UNC5B: variants seen among roughly 807,000 people sequenced by gnomAD.
UNC5B encodes unc-5 netrin receptor B, also known as netrin receptor UNC5B.
Under a neutral mutation model 103.7 loss-of-function variants are expected in UNC5B, and 56 were observed. The observed-to-expected ratio is 0.54, with a 90% CI of 0.44 to 0.67. The LOEUF (loss-of-function observed/expected upper bound fraction) is 0.67, where lower values mean the gene tolerates loss of function less well. Among genes scored for constraint, UNC5B ranks in the 30% least tolerant of loss-of-function variants. The pLI is 0.00. For missense variants in UNC5B, 1,194 were observed against 1,284.5 expected (o/e 0.93, Z 1.08); for synonymous variants, 577 against 542.0 (o/e 1.06, Z -0.90).
At chr10:71,260,952 C>T (rs1164461517) in intron 1 of UNC5B, among the ~76,000 whole-genome samples, 2 of 152,206 alleles carry the variant, frequency 1.3e-5, no homozygotes, top group Admixed American at 6.5e-5. Flanking sequence ...AAGACTGCTC[C>T]CCCGCAGCCC....
At chr10:71,222,172 G>A (rs1228411254) in intron 1 of UNC5B, among the ~76,000 whole-genome samples, 1 of 152,172 alleles carries the variant, frequency 6.6e-6, no homozygotes, top group Non-Finnish European at 1.5e-5. Flanking sequence ...TGGGTAAATG[G>A]AGAGTGTGGC....
chr10:71,269,352 C>CCT (rs1554865166), intron 1 of UNC5B, among the ~76,000 whole-genome samples: 2 of 145,450 alleles, frequency 1.4e-5, no homozygotes, highest in African/African-American at 5.0e-5. Context: ...GTCCCCCCCC[C>CCT]ACAACTTCTC....
At chr10:71,232,630 G>A (rs1237630044) in intron 1 of UNC5B, among the ~76,000 whole-genome samples, 1 of 152,256 alleles carries the variant, frequency 6.6e-6, no homozygotes, top group African/African-American at 2.4e-5. Flanking sequence ...GCCTTGCTTT[G>A]GGTCATTTAC....
intron 1 of UNC5B, among the ~76,000 whole-genome samples, chr10:71,236,363 T>C (rs980124820): frequency 1.3e-5 from 2 of 152,094 alleles, no homozygotes; most frequent in Non-Finnish European, 2.9e-5. Flanking sequence ...CCGCCCTGCC[T>C]CACCTAAAAC....
Position 71,293,401 on chromosome 10 carries a change from C to G in UNC5B, c.1773-4C>G. The G allele has an allele frequency of 5.6e-6, 9 of 1,611,030 alleles. No individual in the cohort carries two copies. Among genetic ancestry groups the G allele is most frequent in the Non-Finnish European group, 7.6e-6 (9 of 1,178,236 alleles). On this transcript the variant is annotated splice_polypyrimidine_tract_variant and splice_region_variant and intron_variant, in intron 11 of 16. Transcript: ENST00000335350. The stretch of plus-strand genomic sequence containing the variant: ...CCTCTCTCCTACCCTGTGTCCTCCT[C>G]CAGCCCGCTTTCAGAAGGGACCCAG...
intron 1 of UNC5B, chr10:71,217,277 A>G (rs549464024): frequency 6.5e-6 from 1 of 152,788 alleles, no homozygotes; most frequent in South Asian, 2.1e-4. Flanking sequence ...TACCGTAATT[A>G]GAATAATACA....
intron 1 of UNC5B, among the ~76,000 whole-genome samples, chr10:71,271,780 C>A (rs1189879158): frequency 6.6e-6 from 1 of 152,244 alleles, no homozygotes; most frequent in Non-Finnish European, 1.5e-5. Context: ...AGGATGCAGG[C>A]CCCTGCCCCA....
chr10:71,280,089 C>T (rs778500393), intron 2 of UNC5B, 44 bp downstream of exon 2: 9 of 1,597,746 alleles, frequency 5.6e-6, no homozygotes, highest in Admixed American at 1.7e-5. Context: ...ACACCCCAGG[C>T]CCAGAGGCAC....
chr10:71,293,855 C>G lies in UNC5B; in HGVS notation c.2097C>G (p.Val699=). The G allele has an allele frequency of 6.2e-7, 1 of 1,609,732 alleles. No individual in the cohort carries two copies. The highest frequency in any genetic ancestry group is 8.5e-7 in the Non-Finnish European group (1 of 1,179,710). The change falls in exon 13 of 17, where the codon GTC becomes GTG. Residue 699 remains valine (V), a synonymous_variant. Coordinates refer to ENST00000335350, the MANE Select transcript of UNC5B (RefSeq NM_170744.5). ...CAGTCAAGCGGCTCCAGCTGGCCGT[C>G]TTCGCCCCCGCCCTCTGCACCTCCC... is the stretch of plus-strand genomic sequence containing the variant. The part of the protein sequence containing the change: ...RSAVKRLQLA[V]FAPALCTSLE...
intron 1 of UNC5B, among the ~76,000 whole-genome samples, chr10:71,219,634 T>C (rs1021405261): frequency 1.3e-5 from 2 of 152,198 alleles, no homozygotes; most frequent in African/African-American, 2.4e-5. Context: ...ATCAATACTT[T>C]GCATCCTTCC....
At chr10:71,229,943 C>A (rs1227237822) in intron 1 of UNC5B, among the ~76,000 whole-genome samples, 2 of 152,168 alleles carry the variant, frequency 1.3e-5, no homozygotes, top group East Asian at 3.9e-4. Flanking sequence ...GAAACACCCT[C>A]TTATTGACTC....
At position 71,212,995 on chromosome 10, in the gene UNC5B, C is replaced by A; in HGVS notation, c.10C>A (p.Arg4=). Residue 4 remains arginine (R), a synonymous_variant, in exon 1 of 17, where the codon CGG becomes AGG. Transcript: ENST00000335350. ...ACCAGGCCGCGGGAGCATGGGGGCC[C>A]GGAGCGGAGCTCGGGGCGCGCTGCT... MGA[R]SGARGALLLA... is the part of the protein sequence containing the mutation. The A allele has an allele frequency of 7.1e-7, 1 of 1,398,928 alleles. No homozygotes were observed. Among genetic ancestry groups the A allele is most frequent in the Non-Finnish European group, 9.3e-7 (1 of 1,071,358 alleles). The allele number at this position is 1,398,928 out of a possible 1,614,324, so 86.7% of individuals were successfully genotyped here. A position where few individuals can be genotyped will look rare whatever the true frequency, so the allele number is the denominator to read the frequency against.
At chr10:71,243,034 G>A (rs1437245398) in intron 1 of UNC5B, among the ~76,000 whole-genome samples, 2 of 152,128 alleles carry the variant, frequency 1.3e-5, no homozygotes, top group Non-Finnish European at 2.9e-5. Context: ...GGAGTTCAAG[G>A]CCAGCCTGGC....
At chr10:71,268,073 T>C (rs1014654041) in intron 1 of UNC5B, among the ~76,000 whole-genome samples, 3 of 152,232 alleles carry the variant, frequency 2.0e-5, no homozygotes, top group Non-Finnish European at 4.4e-5. Context: ...AGGCCAGAGA[T>C]GGCTGCCTTC....
At chr10:71,216,245 G>A (rs1246290094) in intron 1 of UNC5B, among the ~76,000 whole-genome samples, 1 of 152,180 alleles carries the variant, frequency 6.6e-6, no homozygotes, top group African/African-American at 2.4e-5. Flanking sequence ...ACCATCATGG[G>A]TGTGGGCTTG....
At position 71,212,957 on chromosome 10, in the gene UNC5B, G is replaced by A; in HGVS notation, c.-29G>A. 1.5e-6 allele frequency: 2 copies of A among 1,318,838 alleles called. No individual in the cohort carries two copies. The highest frequency in any genetic ancestry group is 2.2e-5 in the South Asian group (1 of 45,440). 81.7% of individuals were successfully genotyped at this position (1,318,838 alleles called of 1,614,324 possible). A position where few individuals can be genotyped will look rare whatever the true frequency, so the allele number is the denominator to read the frequency against. On this transcript the variant is annotated 5_prime_UTR_variant, in exon 1 of 17. Coordinates refer to ENST00000335350, the MANE Select transcript of UNC5B (RefSeq NM_170744.5). Reference sequence around the variant, plus strand: ...TGGGGCCAGGGAGACAGCCCTGGGGGAGAGGCGCCCGAACCAGGCCGCGGG... The same window carrying A: ...TGGGGCCAGGGAGACAGCCCTGGGGAAGAGGCGCCCGAACCAGGCCGCGGG...
chr10:71,281,787 G>C (rs1468613544), intron 2 of UNC5B, among the ~76,000 whole-genome samples: 1 of 152,252 alleles, frequency 6.6e-6, no homozygotes, highest in Admixed American at 6.5e-5. Context: ...GAAGGTCCTG[G>C]TGAGGGTAGA....
intron 1 of UNC5B, among the ~76,000 whole-genome samples, chr10:71,252,525 T>C (rs573562315): frequency 6.6e-6 from 1 of 152,332 alleles, no homozygotes; most frequent in African/African-American, 2.4e-5. Context: ...AACCTGGGCT[T>C]GGAGAGATTG....
chr10:71,242,306 A>G (rs1420537891), intron 1 of UNC5B, among the ~76,000 whole-genome samples: 1 of 152,220 alleles, frequency 6.6e-6, no homozygotes. Context: ...TGAGGCCCAC[A>G]GTGCCCAAAA....
Sources: gnomAD v4.1 joint callset for allele counts (sites outside exome capture counted in the v4.1 genomes callset) on GRCh38, gnomAD v4.1.1 for gene constraint, MANE v1.5 for transcripts, NCBI Gene and HGNC (gene_info 2026-07-23, HGNC 2026-07-21) for gene names.